CDCA2: variants seen among roughly 807,000 people sequenced by gnomAD.
CDCA2 encodes cell division cycle-associated protein 2.
CDCA2 carries 44 observed loss-of-function variants against 67.0 expected under a neutral mutation model. That is an observed-to-expected ratio of 0.66 (90% CI 0.52 to 0.84). The LOEUF (loss-of-function observed/expected upper bound fraction) is 0.84, where lower values mean the gene tolerates loss of function less well. Ranked by LOEUF, CDCA2 falls within the 40% of genes least tolerant of loss-of-function variation. The pLI is 0.00. For synonymous variants in CDCA2, 447 were observed against 418.7 expected (o/e 1.07, Z -0.82); for missense variants, 1,253 against 1,203.2 (o/e 1.04, Z -0.61).
Position 25,503,502 on chromosome 8 carries a change from G to C in CDCA2, c.1801G>C (p.Glu601Gln), listed in dbSNP as rs1804556312. The C allele has an allele frequency of 6.2e-7, 1 of 1,613,804 alleles. No individual in the cohort carries two copies. Among genetic ancestry groups the C allele is most frequent in the Non-Finnish European group, 8.5e-7 (1 of 1,179,982 alleles). Reference sequence around the variant, plus strand: ...TATTCCCGAGCTGCCTGAAGTCCCTGAGATGACACCTTCCATTCCGAGCAT... The same window carrying C: ...TATTCCCGAGCTGCCTGAAGTCCCTCAGATGACACCTTCCATTCCGAGCAT... ...SPIPELPEVPEMTPSIPSIRR... is the reference protein window; with the variant it reads ...SPIPELPEVPQMTPSIPSIRR... The change falls in exon 14 of 15, where the codon GAG (glutamate) becomes CAG (glutamine). Residue 601 changes from glutamate to glutamine, a missense_variant. By Grantham distance (29) the Glu-to-Gln change is conservative. Transcript: ENST00000330560.
chr8:25,473,937 C>T (rs1341557563), intron 7 of CDCA2, among the ~76,000 whole-genome samples: 1 of 152,170 alleles, frequency 6.6e-6, no homozygotes, highest in Non-Finnish European at 1.5e-5. Context: ...TGACTTGCTC[C>T]TTTCCCCAAA....
chr8:25,498,363 A>G (rs1350699223), intron 13 of CDCA2, among the ~76,000 whole-genome samples: 2 of 150,842 alleles, frequency 1.3e-5, no homozygotes, highest in Non-Finnish European at 2.9e-5. Flanking sequence ...GTGCACCACC[A>G]TGCTCAGCTA....
At chr8:25,490,965 A>C (rs1223729425) in intron 13 of CDCA2, among the ~76,000 whole-genome samples, 2 of 152,238 alleles carry the variant, frequency 1.3e-5, no homozygotes, top group African/African-American at 4.8e-5. Flanking sequence ...CAATGTTAAT[A>C]AGGTTAAAAA....
rs563576843 is a variant in CDCA2 at position 25,495,484 on chromosome 8, G to A, written c.1671+6795G>A. On this transcript the variant is annotated intron_variant, in intron 13 of 14. Transcript: ENST00000330560. ...GGCTAGAGTGCAGTGGCGTGAGCTCGGCTCACTGCAAGCTCCGCCTCCCGG... is the reference window on the plus strand; with the variant it reads ...GGCTAGAGTGCAGTGGCGTGAGCTCAGCTCACTGCAAGCTCCGCCTCCCGG... 1.7e-3 allele frequency among the ~76,000 whole-genome samples: 255 copies of A among 151,802 alleles called. 1 individual carries two copies. Among genetic ancestry groups the A allele is most frequent in the Non-Finnish European group, 2.8e-3 (188 of 67,972 alleles).
intron 4 of CDCA2, 102 bp from the exon 5 acceptor site, chr8:25,466,073 A>T (rs539922046): frequency 2.0e-6 from 2 of 1,018,650 alleles, no homozygotes; most frequent in Non-Finnish European, 2.8e-6. Flanking sequence ...TTCAAAAAGC[A>T]TATGTGTACT....
At chr8:25,498,633 CA>C (rs1804345189) in intron 13 of CDCA2, among the ~76,000 whole-genome samples, 1 of 152,038 alleles carries the variant, frequency 6.6e-6, no homozygotes, top group Non-Finnish European at 1.5e-5. Flanking sequence ...CTTGCGAAAC[CA>C]TAGTTCAGGG....
chr8:25,506,687 CTGA>C lies in CDCA2; in HGVS notation c.2025_2027del (p.Asp675del), dbSNP rs1308276121. 2 of 1,611,934 alleles carry C rather than the reference CTGA, an allele frequency of 1.2e-6. No homozygotes were observed. Among genetic ancestry groups the C allele is most frequent in the East Asian group, 4.5e-5 (2 of 44,870 alleles). ...TCCTCATCGCTTGGCAATGCTACTT[CTGA>C]TGAAGATCCAAATACAAATATAATG... On this transcript the variant is annotated inframe_deletion, in exon 15 of 15. Transcript: ENST00000330560.
chr8:25,466,246 C>T lies in CDCA2; in HGVS notation c.459C>T (p.His153=). ...ERISAFQSAF[H]SIKENEKMTG... is the part of the protein sequence containing the mutation. ...TATCAGCCTTCCAGTCAGCTTTTCA[C>T]TCCATAAAGGAAAACGAGAAAATGA... Residue 153 remains histidine, a synonymous_variant, in exon 5 of 15, where the codon CAC becomes CAT. Transcript: ENST00000330560. 1 of 1,611,156 alleles carries T rather than the reference C, an allele frequency of 6.2e-7. No homozygotes were observed. The highest frequency in any genetic ancestry group is 8.5e-7 in the Non-Finnish European group (1 of 1,179,366).
intron 13 of CDCA2, among the ~76,000 whole-genome samples, chr8:25,500,264 TTTTTC>T (rs1160326139): frequency 1.4e-5 from 2 of 143,578 alleles, no homozygotes; most frequent in African/African-American, 5.0e-5. Context: ...TTTTTTTTTT[TTTTTC>T]CCCATATATC....
chr8:25,460,329 T>C (rs1802630579), intron 2 of CDCA2, 29 bp downstream of exon 2: 2 of 1,614,004 alleles, frequency 1.2e-6, no homozygotes, highest in Non-Finnish European at 8.5e-7. Flanking sequence ...CCTTGTGAAG[T>C]TGAAGGTTTA....
intron 13 of CDCA2, among the ~76,000 whole-genome samples, chr8:25,497,417 C>T (rs1373317077): frequency 6.7e-6 from 1 of 150,234 alleles, no homozygotes; most frequent in Non-Finnish European, 1.5e-5. Context: ...CATAGAAGGA[C>T]CTTAAGGGCA....
chr8:25,481,833 G>T (rs1803584046), intron 8 of CDCA2, among the ~76,000 whole-genome samples: 1 of 152,202 alleles, frequency 6.6e-6, no homozygotes, highest in Non-Finnish European at 1.5e-5. Flanking sequence ...GAGCTTTGTT[G>T]TATAAGTTAA....
At chr8:25,496,018 A>G (rs1804209180) in intron 13 of CDCA2, among the ~76,000 whole-genome samples, 1 of 152,224 alleles carries the variant, frequency 6.6e-6, no homozygotes, top group Non-Finnish European at 1.5e-5. Context: ...TCCCTGGTGC[A>G]TAGATTATCA....
Position 25,503,512 on chromosome 8 carries a change from C to A in CDCA2, c.1811C>A (p.Pro604His). ...CTGCCTGAAGTCCCTGAGATGACACCTTCCATTCCGAGCATCCGAAGACTG... is the reference window on the plus strand; with the variant it reads ...CTGCCTGAAGTCCCTGAGATGACACATTCCATTCCGAGCATCCGAAGACTG... ...PELPEVPEMT[P>H]SIPSIRRLGS... The change falls in exon 14 of 15, where the codon CCT (proline) becomes CAT (histidine). Residue 604 changes from proline to histidine, a missense_variant. Coordinates refer to ENST00000330560, the MANE Select transcript of CDCA2 (RefSeq NM_152562.4). The A allele has an allele frequency of 6.2e-7, 1 of 1,612,388 alleles. No homozygotes were observed. The highest frequency in any genetic ancestry group is 8.5e-7 in the Non-Finnish European group (1 of 1,179,638).
intron 6 of CDCA2, 149 bp downstream of exon 6, chr8:25,468,562 T>TGCGTGC (rs1803027635): frequency 1.8e-5 from 8 of 452,686 alleles, no homozygotes; most frequent in South Asian, 3.8e-5. Context: ...TGTGTGCGTG[T>TGCGTGC]GTGTGTGTGT....
intron 7 of CDCA2, among the ~76,000 whole-genome samples, chr8:25,478,888 G>GTATATATATATATATATATA (rs71511103): frequency 1.6e-3 from 179 of 111,490 alleles, no homozygotes; most frequent in African/African-American, 6.9e-3. Context: ...TTGTGTGTGT[G>GTATATATATATATATATATA]TATATATATA....
At chr8:25,505,260 G>A (rs917832813) in intron 14 of CDCA2, among the ~76,000 whole-genome samples, 4 of 152,142 alleles carry the variant, frequency 2.6e-5, no homozygotes, top group Non-Finnish European at 5.9e-5. Context: ...GGAGTGCAGT[G>A]GCTCAATCTT....
chr8:25,462,651 A>G (rs1167715024), intron 4 of CDCA2, among the ~76,000 whole-genome samples: 3 of 100,432 alleles, frequency 3.0e-5, no homozygotes, highest in Non-Finnish European at 4.6e-5. Flanking sequence ...AGTTAGCCTA[A>G]ATGATGATGT....
intron 7 of CDCA2, among the ~76,000 whole-genome samples, chr8:25,475,313 G>A (rs188914005): frequency 1.3e-5 from 2 of 152,278 alleles, no homozygotes; most frequent in Admixed American, 1.3e-4. Flanking sequence ...AAGGTCAGGA[G>A]TTCTAGACCA....
Sources: gnomAD v4.1 joint callset for allele counts (sites outside exome capture counted in the v4.1 genomes callset) on GRCh38, gnomAD v4.1.1 for gene constraint, MANE v1.5 for transcripts, NCBI Gene and HGNC (gene_info 2026-07-23, HGNC 2026-07-21) for gene names.